DDX46: variants seen among roughly 807,000 people sequenced by gnomAD.
DDX46 encodes DEAD-box helicase 46.
In DDX46, 30 loss-of-function variants were observed where a neutral mutation model predicts 134.9. That is an observed-to-expected ratio of 0.22 (90% CI 0.17 to 0.30). The LOEUF (loss-of-function observed/expected upper bound fraction) is 0.30, where lower values mean the gene tolerates loss of function less well. Ranked by LOEUF, DDX46 falls within the 10% of genes least tolerant of loss-of-function variation. The probability of loss-of-function intolerance (pLI) is 1.00; values close to 1 mark genes in which losing one functional copy is unlikely to be tolerated. For synonymous variants in DDX46, 415 were observed against 404.1 expected, an observed-to-expected ratio of 1.03 and a Z score of -0.32; for missense variants, 622 against 1,248.7, an observed-to-expected ratio of 0.50 and a Z score of 7.56.
chr5:134,785,593 A>G lies in DDX46; in HGVS notation c.1464+7A>G, dbSNP rs1051824722. ...AACAGGAATCAGTGAGCAGGTAGTT[A>G]TATAAGAAACATTCATGTTTTCCAT... is the stretch of plus-strand genomic sequence containing the variant. On this transcript the variant is annotated splice_region_variant and intron_variant, in intron 11 of 22. Transcript: ENST00000452510. The G allele has an allele frequency of 6.3e-7, 1 of 1,598,000 alleles. No homozygotes were observed. Among genetic ancestry groups the G allele is most frequent in the Non-Finnish European group, 8.5e-7 (1 of 1,174,338 alleles).
At chr5:134,782,175 A>G (rs1754174701) in intron 8 of DDX46, 89 bp downstream of exon 8, 2 of 1,284,514 alleles carry the variant, frequency 1.6e-6, no homozygotes, top group South Asian at 1.6e-5. Context: ...ATAGTGTCTC[A>G]TGAAGGAGGG....
At position 134,782,043 on chromosome 5, in the gene DDX46, C is replaced by A; in HGVS notation, c.1002C>A (p.Asn334Lys). The A allele has an allele frequency of 1.3e-6, 2 of 1,592,200 alleles. No individual in the cohort carries two copies. Among genetic ancestry groups the A allele is most frequent in the Non-Finnish European group, 1.7e-6 (2 of 1,175,354 alleles). ...GKIEYEPFRK[N>K]FYVEVPELAK... ...TTGAGTATGAGCCATTTAGGAAAAA[C>A]TTCTATGTTGAAGTTCCAGAACTAG... The change falls in exon 8 of 23, where the codon AAC becomes AAA. Residue 334 changes from asparagine to lysine, a missense_variant. Coordinates refer to ENST00000452510, the MANE Select transcript of DDX46 (RefSeq NM_001300860.2).
At chr5:134,759,586 T>G (rs1753314936) in intron 1 of DDX46, among the ~76,000 whole-genome samples, 1 of 152,228 alleles carries the variant, frequency 6.6e-6, no homozygotes, top group African/African-American at 2.4e-5. Flanking sequence ...ATCACAACTT[T>G]AGATTGTTGA....
rs1311870334 is a variant in DDX46 at position 134,795,858 on chromosome 5, T to G, written c.1792-130T>G. On this transcript the variant is annotated intron_variant, in intron 14 of 22. Transcript: ENST00000452510. ...TTATCATTTACAATTAAAATCAACA[T>G]CTTCCTAGCCCTTGGTAAAGATATA... The G allele has an allele frequency of 8.1e-6, 7 of 866,476 alleles. No individual in the cohort carries two copies. In the East Asian group the frequency reaches 1.1e-4, roughly 13 times the overall value. 53.7% of individuals were successfully genotyped at this position (866,476 alleles called of 1,614,324 possible).
chr5:134,822,169 G>A (rs745988497), intron 21 of DDX46, among the ~76,000 whole-genome samples: 10 of 151,724 alleles, frequency 6.6e-5, no homozygotes, highest in Non-Finnish European at 7.4e-5. Flanking sequence ...CTGGGCCACC[G>A]TGCCCAGCCA....
intron 5 of DDX46, among the ~76,000 whole-genome samples, chr5:134,774,071 C>T (rs1189463283): frequency 2.0e-5 from 3 of 152,074 alleles, no homozygotes; most frequent in African/African-American, 4.8e-5. Context: ...ATGACTTTTT[C>T]GTCATTCCAT....
intron 14 of DDX46, 148 bp downstream of exon 14, chr5:134,795,162 T>C: frequency 1.1e-6 from 1 of 887,402 alleles, no homozygotes; most frequent in Non-Finnish European, 1.7e-6. Context: ...TTTTACCAGA[T>C]AAACTTAACT....
chr5:134,788,305 C>T (rs1754402267), intron 11 of DDX46, among the ~76,000 whole-genome samples: 1 of 151,818 alleles, frequency 6.6e-6, no homozygotes, highest in Non-Finnish European at 1.5e-5. Context: ...ATCAAATTTG[C>T]AGAATTCTCT....
rs1753278523 is a variant in DDX46, at chr5:134,758,799, G to A, written c.-140G>A. 6 of 1,371,620 alleles carry A rather than the reference G, an allele frequency of 4.4e-6. No individual in the cohort carries two copies. In the Admixed American group the frequency reaches 1.2e-4, roughly 26 times the overall value. The allele number at this position is 1,371,620 out of a possible 1,614,324, so 85.0% of individuals were successfully genotyped here. ...ACGTCCTGTTTTCGTTGGCCGCGCTGGGATGGCCGCCACAGCTGTAGGTGC... is the reference window on the plus strand; with the variant it reads ...ACGTCCTGTTTTCGTTGGCCGCGCTAGGATGGCCGCCACAGCTGTAGGTGC... On this transcript the variant is annotated 5_prime_UTR_variant, in exon 1 of 23. Transcript: ENST00000452510.
intron 15 of DDX46, among the ~76,000 whole-genome samples, chr5:134,801,331 C>CT (rs990443239): frequency 7.2e-5 from 11 of 151,870 alleles, no homozygotes; most frequent in South Asian, 4.2e-4. Context: ...TTGCAGTTGG[C>CT]TTTTTTTTAC....
rs1038415901 is a variant in DDX46 at position 134,777,466 on chromosome 5, G to A, written c.614-108G>A. Reference sequence around the variant, plus strand: ...TGGATGGCTGGAGTAATTGGAAAAGGGGTGTTTGGGCAGTGGCAGAAAAGG... The same window carrying A: ...TGGATGGCTGGAGTAATTGGAAAAGAGGTGTTTGGGCAGTGGCAGAAAAGG... On this transcript the variant is annotated intron_variant, in intron 5 of 22. Transcript: ENST00000452510. The A allele has an allele frequency of 2.5e-6, 3 of 1,224,320 alleles. No individual in the cohort carries two copies. The African/African-American group carries it at 4.6e-5, about 19-fold the overall frequency. The allele number at this position is 1,224,320 out of a possible 1,614,324, so 75.8% of individuals were successfully genotyped here. A position where few individuals can be genotyped will look rare whatever the true frequency, so the allele number is the denominator to read the frequency against.
In DDX46 at chr5:134,819,119, C is replaced by T. The variant is rs1370378418; in HGVS notation, c.2977+115C>T. The T allele has an allele frequency of 1.3e-5, 14 of 1,111,976 alleles. No homozygotes were observed. In the Admixed American group the frequency reaches 2.4e-4, roughly 19 times the overall value. The allele number at this position is 1,111,976 out of a possible 1,614,324, so 68.9% of individuals were successfully genotyped here. On this transcript the variant is annotated intron_variant, in intron 21 of 22. Coordinates refer to ENST00000452510, the MANE Select transcript of DDX46 (RefSeq NM_001300860.2). ...AGAGAGAACTGAAAGTAAGAAACAC[C>T]TCTGAAAACAAAATCTTATGACATT...
rs1193884229 is a variant in DDX46 at position 134,830,040 on chromosome 5, C to G, written c.*1334C>G. On this transcript the variant is annotated 3_prime_UTR_variant, in exon 23 of 23. Transcript: ENST00000452510. Reference sequence around the variant, plus strand: ...ATTACCTAATATTCTTTTCAAGACTCCTGATGTATTAACTTCATGTTATTG... The same window carrying G: ...ATTACCTAATATTCTTTTCAAGACTGCTGATGTATTAACTTCATGTTATTG... The G allele has an allele frequency of 6.6e-6, 1 of 151,540 alleles. No homozygotes were observed. The highest frequency in any genetic ancestry group is 2.4e-5 in the African/African-American group (1 of 41,268). 9.4% of individuals were successfully genotyped at this position (151,540 alleles called of 1,614,324 possible). A position where few individuals can be genotyped will look rare whatever the true frequency, so the allele number is the denominator to read the frequency against.
rs190548668 is a variant in DDX46, at chr5:134,803,811, A to G, written c.1955-3937A>G. ...TATAGTAAGGAAGTTGTTTCCCGTAATACTTGTCTTTAATACTCCTTTTAT... is the reference window on the plus strand; with the variant it reads ...TATAGTAAGGAAGTTGTTTCCCGTAGTACTTGTCTTTAATACTCCTTTTAT... On this transcript the variant is annotated intron_variant, in intron 15 of 22. Transcript: ENST00000452510. 3.3e-3 allele frequency among the ~76,000 whole-genome samples: 506 copies of G among 152,086 alleles called. 4 individuals are homozygous for G. Among genetic ancestry groups the G allele is most frequent in the Middle Eastern group, 0.027 (8 of 294 alleles).
intron 6 of DDX46, among the ~76,000 whole-genome samples, chr5:134,780,212 G>A (rs895133315): frequency 6.0e-5 from 9 of 150,976 alleles, no homozygotes; most frequent in African/African-American, 2.2e-4. Flanking sequence ...ATGTGTATAT[G>A]TGTGTATATG....
chr5:134,829,747 T>TCA lies in DDX46; in HGVS notation c.*1042_*1043dup, dbSNP rs1356673610. ...GCCGAGGTGGGCAGATCACTTGAGG[T>TCA]CAGGAGTTCAAGACTAGCCTGGTCA... On this transcript the variant is annotated 3_prime_UTR_variant, in exon 23 of 23. Coordinates refer to ENST00000452510, the MANE Select transcript of DDX46 (RefSeq NM_001300860.2). The TCA allele has an allele frequency of 6.6e-6, 1 of 151,990 alleles. No individual in the cohort carries two copies. Among genetic ancestry groups the TCA allele is most frequent in the Non-Finnish European group, 1.5e-5 (1 of 68,006 alleles). 9.4% of individuals were successfully genotyped at this position (151,990 alleles called of 1,614,324 possible).
intron 4 of DDX46, 29 bp downstream of exon 4, chr5:134,771,028 CTTTCTTTCTTTT>C (rs1489752315): frequency 3.3e-6 from 3 of 921,196 alleles, no homozygotes; most frequent in South Asian, 1.5e-5. Context: ...AAATAATTTT[CTTTCTTTCTTTT>C]TGTCTTTCTT....
intron 5 of DDX46, among the ~76,000 whole-genome samples, chr5:134,774,149 C>G (rs1753862173): frequency 6.6e-6 from 1 of 152,148 alleles, no homozygotes; most frequent in African/African-American, 2.4e-5. Flanking sequence ...GACCTTTGCT[C>G]TATTTTCTGT....
At position 134,828,906 on chromosome 5, in the gene DDX46, C is replaced by T. The variant is rs1254644250; in HGVS notation, c.*200C>T. The T allele has an allele frequency of 8.0e-6, 3 of 373,940 alleles. No individual in the cohort carries two copies. The highest frequency in any genetic ancestry group is 1.4e-5 in the Non-Finnish European group (3 of 211,600). The allele number at this position is 373,940 out of a possible 1,614,324, so 23.2% of individuals were successfully genotyped here. A position where few individuals can be genotyped will look rare whatever the true frequency, so the allele number is the denominator to read the frequency against. On this transcript the variant is annotated 3_prime_UTR_variant, in exon 23 of 23. Coordinates refer to ENST00000452510, the MANE Select transcript of DDX46 (RefSeq NM_001300860.2). ...CAGTCAAACTATATTTAAAGCCAGC[C>T]TGTTTTCAGAGTATGATGTCCTTTA...
Sources: allele counts gnomAD v4.1 joint callset (sites outside exome capture counted in the v4.1 genomes callset), GRCh38; gene constraint gnomAD v4.1.1; transcripts MANE v1.5; gene names NCBI Gene and HGNC (gene_info 2026-07-23, HGNC 2026-07-21).